Variants in ADAM18 observed in about 807,000 individuals in gnomAD.
ADAM18 encodes the protein ADAM metallopeptidase domain 18.
A neutral mutation model predicts 94.4 loss-of-function variants in ADAM18; 117 were observed. The ratio of observed to expected loss-of-function variants is 1.24; its 90% CI spans 1.07 to 1.45. The LOEUF (loss-of-function observed/expected upper bound fraction) is 1.45. Ranked by LOEUF, ADAM18 falls within the 40% of genes most tolerant of loss-of-function variation. The pLI, the probability that ADAM18 is intolerant of heterozygous loss-of-function variation, is 0.00. For synonymous variants in ADAM18, 327 were observed against 291.6 expected, an observed-to-expected ratio of 1.12 and a Z score of -1.24; for missense variants, 936 against 880.0, an observed-to-expected ratio of 1.06 and a Z score of -0.81.
intron 14 of ADAM18, among the ~76,000 whole-genome samples, chr8:39,670,166 GT>G (rs915299132): frequency 2.8e-4 from 43 of 152,052 alleles, no homozygotes; most frequent in African/African-American, 9.9e-4. Flanking sequence ...GGGGTTGTTT[GT>G]TTTTTTCTTG....
intron 12 of ADAM18, among the ~76,000 whole-genome samples, chr8:39,654,647 T>C (rs1252578364): frequency 2.1e-5 from 2 of 97,402 alleles, no homozygotes; most frequent in African/African-American, 7.2e-5. Flanking sequence ...ACTATAATAC[T>C]TTAGATTTCC....
intron 6 of ADAM18, among the ~76,000 whole-genome samples, chr8:39,611,746 C>G (rs1419490517): frequency 6.6e-6 from 1 of 151,950 alleles, no homozygotes; most frequent in Non-Finnish European, 1.5e-5. Flanking sequence ...AAAAAAGTGC[C>G]TATAGGTTGT....
At chr8:39,705,112 C>T (rs1380004570) in intron 17 of ADAM18, among the ~76,000 whole-genome samples, 1 of 152,056 alleles carries the variant, frequency 6.6e-6, no homozygotes, top group Non-Finnish European at 1.5e-5. Context: ...TTCTACTATA[C>T]AGTTGCTTTT....
At chr8:39,641,767 TA>T (rs1407333627) in intron 10 of ADAM18, among the ~76,000 whole-genome samples, 3 of 152,148 alleles carry the variant, frequency 2.0e-5, no homozygotes, top group African/African-American at 7.2e-5. Flanking sequence ...TTCCTTTGGG[TA>T]TATACCCAGT....
At chr8:39,683,243 C>A (rs922792724) in intron 16 of ADAM18, among the ~76,000 whole-genome samples, 1 of 152,206 alleles carries the variant, frequency 6.6e-6, no homozygotes, top group Non-Finnish European at 1.5e-5. Context: ...AATACAACAG[C>A]CTTCTGACAA....
chr8:39,654,136 A>AGGTATCTTTTGAGTATACTAATTTCCTCT (rs1563292573), intron 12 of ADAM18, among the ~76,000 whole-genome samples: 1 of 147,494 alleles, frequency 6.8e-6, no homozygotes, highest in Admixed American at 6.7e-5. Flanking sequence ...TGTTGCTGCC[A>AGGTATCTTTTGAGTATACTAATTTCCTCT]CTGACAGGAT....
chr8:39,661,191 C>T (rs1272986970), intron 12 of ADAM18, among the ~76,000 whole-genome samples: 3 of 127,186 alleles, frequency 2.4e-5, no homozygotes, highest in Non-Finnish European at 3.2e-5. Flanking sequence ...CTCGGTTTGT[C>T]GCCCAGGCTG....
At chr8:39,601,376 A>G (rs1041891727) in intron 2 of ADAM18, among the ~76,000 whole-genome samples, 15 of 152,320 alleles carry the variant, frequency 9.8e-5, no homozygotes, top group African/African-American at 3.6e-4. Context: ...TGTTTCCTCC[A>G]CATTTGAGTT....
At chr8:39,729,863 T>G in intron 19 of ADAM18, 35 bp from the exon 20 acceptor site, 2 of 1,588,488 alleles carry the variant, frequency 1.3e-6, no homozygotes, top group East Asian at 4.5e-5. Context: ...AAACATATTG[T>G]GAATTTCTAT....
intron 1 of ADAM18, 79 bp from the exon 2 acceptor site, chr8:39,585,197 C>T: frequency 1.7e-6 from 2 of 1,149,784 alleles, no homozygotes; most frequent in Non-Finnish European, 2.6e-6. Flanking sequence ...CCATGCAGTC[C>T]GGGATAAGAA....
At chr8:39,691,214 T>A (rs773862042) in intron 16 of ADAM18, among the ~76,000 whole-genome samples, 2 of 152,180 alleles carry the variant, frequency 1.3e-5, no homozygotes, top group Non-Finnish European at 2.9e-5. Flanking sequence ...TTAAAATATG[T>A]ACCATTTGTG....
intron 14 of ADAM18, among the ~76,000 whole-genome samples, chr8:39,673,552 G>A (rs991193355): frequency 1.3e-5 from 2 of 151,724 alleles, no homozygotes; most frequent in Non-Finnish European, 2.9e-5. Context: ...CCACCTATGA[G>A]TGAGAACATG....
At chr8:39,672,908 C>A (rs1472397704) in intron 14 of ADAM18, among the ~76,000 whole-genome samples, 2 of 152,140 alleles carry the variant, frequency 1.3e-5, no homozygotes, top group Non-Finnish European at 2.9e-5. Flanking sequence ...AGAGTCCTGG[C>A]CAAGTTTCAG....
At position 39,692,380 on chromosome 8, in the gene ADAM18, G is replaced by T. The variant is rs115114404; in HGVS notation, c.1822-220G>T. 2.7e-3 allele frequency among the ~76,000 whole-genome samples: 409 copies of T among 151,646 alleles called. 2 individuals are homozygous for T. Among genetic ancestry groups the T allele is most frequent in the African/African-American group, 9.1e-3 (379 of 41,462 alleles). Reference sequence around the variant, plus strand: ...TTACATTAACCATGTCAGGGCAAATGCTGTCAGTTTTTTTGCTTGCAATTA... The same window carrying T: ...TTACATTAACCATGTCAGGGCAAATTCTGTCAGTTTTTTTGCTTGCAATTA... On this transcript the variant is annotated intron_variant, in intron 16 of 19. Coordinates refer to ENST00000265707, the MANE Select transcript of ADAM18 (RefSeq NM_014237.3).
intron 6 of ADAM18, among the ~76,000 whole-genome samples, chr8:39,615,725 G>C (rs1377204574): frequency 6.6e-6 from 1 of 152,116 alleles, no homozygotes; most frequent in Non-Finnish European, 1.5e-5. Flanking sequence ...AATCACGTAA[G>C]AGAAAGAAAA....
intron 18 of ADAM18, among the ~76,000 whole-genome samples, chr8:39,718,208 C>G (rs1297608641): frequency 6.6e-6 from 1 of 151,482 alleles, no homozygotes; most frequent in African/African-American, 2.4e-5. Flanking sequence ...AGCCATCCCA[C>G]CAATGGAGAC....
chr8:39,645,858 CTATT>C (rs747630064), intron 11 of ADAM18, among the ~76,000 whole-genome samples: 5 of 152,054 alleles, frequency 3.3e-5, no homozygotes, highest in Non-Finnish European at 5.9e-5. Context: ...GAGTCCATAT[CTATT>C]TATACACTAA....
At chr8:39,623,670 C>G (rs901041825) in intron 6 of ADAM18, among the ~76,000 whole-genome samples, 2 of 152,140 alleles carry the variant, frequency 1.3e-5, no homozygotes, top group African/African-American at 4.8e-5. Flanking sequence ...GATCTCGGCT[C>G]ACTGCAAGCT....
chr8:39,645,544 T>C, intron 11 of ADAM18, 70 bp downstream of exon 11: 1 of 1,445,568 alleles, frequency 6.9e-7, no homozygotes, highest in Non-Finnish European at 9.3e-7. Flanking sequence ...ATAATGTTTT[T>C]AAACTTTTAT....
Sources: allele counts gnomAD v4.1 joint callset (sites outside exome capture counted in the v4.1 genomes callset), GRCh38; gene constraint gnomAD v4.1.1; transcripts MANE v1.5; gene names NCBI Gene and HGNC (gene_info 2026-07-23, HGNC 2026-07-21).